The following ZNF804A variants were observed in gnomAD, a reference collection of about 807,000 sequenced individuals.
ZNF804A encodes zinc finger protein 804A.
ZNF804A carries 2 observed loss-of-function variants against 16.5 expected under a neutral mutation model. That is an observed-to-expected ratio of 0.12 (90% CI 0.05 to 0.38). ZNF804A has a LOEUF of 0.38. ZNF804A is among the 10% of genes least tolerant of loss of function. The pLI is 0.99. For missense variants in ZNF804A, 1,473 were observed against 1,390.7 expected, an observed-to-expected ratio of 1.06 and a Z score of -0.94; for synonymous variants, 534 against 489.6, an observed-to-expected ratio of 1.09 and a Z score of -1.20.
chr2:184,610,830 T>C (rs1691224733), intron 1 of ZNF804A, among the ~76,000 whole-genome samples: 1 of 152,198 alleles, frequency 6.6e-6, no homozygotes, highest in African/African-American at 2.4e-5. Flanking sequence ...ATGACCTGGG[T>C]AAAGTTCACC....
At chr2:184,679,967 A>G (rs1334080708) in intron 1 of ZNF804A, among the ~76,000 whole-genome samples, 3 of 152,116 alleles carry the variant, frequency 2.0e-5, no homozygotes, top group Non-Finnish European at 4.4e-5. Context: ...CAGAGTAAGA[A>G]CTTATGGTGC....
intron 2 of ZNF804A, among the ~76,000 whole-genome samples, chr2:184,886,337 A>G (rs551128420): frequency 3.3e-5 from 5 of 152,284 alleles, no homozygotes; most frequent in African/African-American, 1.2e-4. Flanking sequence ...TTTGTTGGGT[A>G]CAGCCTCCCT....
rs145480218 is a variant in ZNF804A, at chr2:184,801,660, C to T, written c.112-64709C>T. On this transcript the variant is annotated intron_variant, in intron 1 of 3. Transcript: ENST00000302277. ...TTCCTTTTGATTCTTAGAGTTTTTA[C>T]GTTTCTGCTTACATAAACCATATGC... Among the ~76,000 whole-genome samples, 516 of 152,248 alleles carry T rather than the reference C, an allele frequency of 3.4e-3. 6 individuals are homozygous for T. Among genetic ancestry groups the T allele is most frequent in the African/African-American group, 0.012 (485 of 41,558 alleles).
intron 1 of ZNF804A, among the ~76,000 whole-genome samples, chr2:184,785,234 C>T (rs919714242): frequency 6.6e-6 from 1 of 151,708 alleles, no homozygotes; most frequent in Non-Finnish European, 1.5e-5. Flanking sequence ...TAATTTATTG[C>T]CCAGTAATAT....
intron 1 of ZNF804A, among the ~76,000 whole-genome samples, chr2:184,753,382 C>A (rs527957474): frequency 6.6e-6 from 1 of 151,482 alleles, no homozygotes; most frequent in African/African-American, 2.4e-5. Context: ...CAATGCTGGA[C>A]GGCATATCAC....
intron 1 of ZNF804A, 127 bp downstream of exon 1, chr2:184,599,197 G>T: frequency 2.7e-6 from 2 of 749,090 alleles, no homozygotes; most frequent in South Asian, 1.7e-5. Context: ...GGTGGGCGTG[G>T]GGTGAGAATT....
At chr2:184,807,757 TGTTTATAATTAAGTTTCCAA>T (rs1694832511) in intron 1 of ZNF804A, among the ~76,000 whole-genome samples, 1 of 151,742 alleles carries the variant, frequency 6.6e-6, no homozygotes, top group African/African-American at 2.4e-5. Flanking sequence ...TAATGTGTAT[TGTTTATAATTAAGTTTCCAA>T]TACAGCAGTA....
chr2:184,714,432 T>G (rs1574176183), intron 1 of ZNF804A, among the ~76,000 whole-genome samples: 1 of 152,246 alleles, frequency 6.6e-6, no homozygotes, highest in East Asian at 1.9e-4. Context: ...TGTTATATTC[T>G]GTTTCATTTT....
intron 1 of ZNF804A, among the ~76,000 whole-genome samples, chr2:184,830,471 C>A (rs1244496031): frequency 6.6e-6 from 1 of 151,964 alleles, no homozygotes; most frequent in Admixed American, 6.6e-5. Flanking sequence ...GAAACAGTAA[C>A]CAGGATTAAA....
chr2:184,711,233 T>C (rs1478376370), intron 1 of ZNF804A, among the ~76,000 whole-genome samples: 1 of 151,832 alleles, frequency 6.6e-6, no homozygotes, highest in African/African-American at 2.4e-5. Flanking sequence ...GTTGTGGTTT[T>C]GATTAGCTTT....
chr2:184,609,204 G>A (rs985575029), intron 1 of ZNF804A, among the ~76,000 whole-genome samples: 4 of 152,154 alleles, frequency 2.6e-5, no homozygotes, highest in African/African-American at 9.7e-5. Context: ...GATAAAATTG[G>A]TTCTGACAAT....
intron 2 of ZNF804A, among the ~76,000 whole-genome samples, chr2:184,906,313 G>A (rs1685273341): frequency 6.6e-6 from 1 of 151,750 alleles, no homozygotes; most frequent in South Asian, 2.1e-4. Flanking sequence ...TTGTTTGTTT[G>A]TTTGAGGCAG....
intron 2 of ZNF804A, among the ~76,000 whole-genome samples, chr2:184,904,341 T>C (rs1477365413): frequency 6.6e-6 from 1 of 152,058 alleles, no homozygotes; most frequent in Admixed American, 6.6e-5. Context: ...GTTAAAGTGT[T>C]ATAGAATGAG....
chr2:184,794,540 C>T (rs557969406), intron 1 of ZNF804A, among the ~76,000 whole-genome samples: 1 of 151,958 alleles, frequency 6.6e-6, no homozygotes, highest in African/African-American at 2.4e-5. Context: ...TACTGACTTC[C>T]TTTTGCCTTA....
intron 1 of ZNF804A, among the ~76,000 whole-genome samples, chr2:184,704,596 G>A (rs969056755): frequency 6.6e-6 from 1 of 152,140 alleles, no homozygotes; most frequent in Non-Finnish European, 1.5e-5. Context: ...AGAGTCCTAG[G>A]TTTTTGAAAT....
intron 1 of ZNF804A, among the ~76,000 whole-genome samples, chr2:184,857,643 G>A (rs79577277): frequency 0.014 from 2,127 of 152,042 alleles, 22 homozygotes; most frequent in Middle Eastern, 0.024. Context: ...TTAGTTTTAT[G>A]TATTTACACA....
At chr2:184,652,815 TC>T (rs147355293) in intron 1 of ZNF804A, among the ~76,000 whole-genome samples, 4,202 of 152,228 alleles carry the variant, frequency 0.028, 206 homozygotes, top group African/African-American at 0.095. Context: ...TGGGGGCAGT[TC>T]CCCCATGCTG....
At chr2:184,692,936 G>A (rs1313220854) in intron 1 of ZNF804A, among the ~76,000 whole-genome samples, 2 of 152,012 alleles carry the variant, frequency 1.3e-5, no homozygotes, top group African/African-American at 4.8e-5. Flanking sequence ...TTTAATAATT[G>A]AGATAGTGCT....
At chr2:184,623,870 A>C (rs748709172) in intron 1 of ZNF804A, among the ~76,000 whole-genome samples, 1 of 152,188 alleles carries the variant, frequency 6.6e-6, no homozygotes, top group Non-Finnish European at 1.5e-5. Context: ...AATCATCCTT[A>C]CTCAGATTAT....
Sources: gnomAD v4.1 joint callset for allele counts (sites outside exome capture counted in the v4.1 genomes callset) on GRCh38, gnomAD v4.1.1 for gene constraint, MANE v1.5 for transcripts, NCBI Gene and HGNC (gene_info 2026-07-23, HGNC 2026-07-21) for gene names.